GPC5: variants seen among roughly 807,000 people sequenced by gnomAD.
The protein encoded by GPC5 is glypican 5.
A neutral mutation model predicts 53.9 loss-of-function variants in GPC5; 47 were observed. That is an observed-to-expected ratio of 0.87 (90% CI 0.69 to 1.11). The LOEUF (loss-of-function observed/expected upper bound fraction) is 1.11. Among genes scored for constraint, GPC5 ranks in the 50% most tolerant of loss-of-function variants. GPC5 has a pLI of 0.00. For synonymous variants in GPC5, 286 were observed against 263.3 expected, an observed-to-expected ratio of 1.09 and a Z score of -0.84; for missense variants, 748 against 713.1, an observed-to-expected ratio of 1.05 and a Z score of -0.56.
At chr13:91,508,184 T>C (rs952036064) in intron 2 of GPC5, among the ~76,000 whole-genome samples, 1 of 152,166 alleles carries the variant, frequency 6.6e-6, no homozygotes, top group African/African-American at 2.4e-5. Flanking sequence ...AAAAAAGGAA[T>C]CATGGCTTTA....
At chr13:91,777,176 T>C (rs342696) in intron 5 of GPC5, among the ~76,000 whole-genome samples, 42,673 of 152,130 alleles carry the variant, frequency 0.28, 6,832 homozygotes, top group African/African-American at 0.41. Flanking sequence ...TTATTATTTG[T>C]CATTTTCATT....
intron 2 of GPC5, among the ~76,000 whole-genome samples, chr13:91,594,870 C>T (rs1311110262): frequency 6.6e-6 from 1 of 151,918 alleles, no homozygotes; most frequent in Non-Finnish European, 1.5e-5. Flanking sequence ...GATGGGGTCT[C>T]ACTATGTTAC....
At chr13:91,870,201 C>T (rs1000183481) in intron 5 of GPC5, among the ~76,000 whole-genome samples, 3 of 152,048 alleles carry the variant, frequency 2.0e-5, no homozygotes, top group Non-Finnish European at 2.9e-5. Flanking sequence ...GTTACTATTC[C>T]TGCCTCTCTA....
At chr13:92,524,022 G>A (rs1566274877) in intron 7 of GPC5, among the ~76,000 whole-genome samples, 1 of 152,084 alleles carries the variant, frequency 6.6e-6, no homozygotes, top group East Asian at 1.9e-4. Context: ...GTTGATAGCT[G>A]CCTACTGATC....
chr13:92,479,872 A>G (rs561202671), intron 7 of GPC5, among the ~76,000 whole-genome samples: 136 of 152,322 alleles, frequency 8.9e-4, no homozygotes, highest in Non-Finnish European at 1.7e-3. Context: ...ATGTGTGTGT[A>G]TGATAACTTG....
At chr13:91,603,089 T>C (rs1295495477) in intron 2 of GPC5, among the ~76,000 whole-genome samples, 1 of 152,202 alleles carries the variant, frequency 6.6e-6, no homozygotes, top group African/African-American at 2.4e-5. Context: ...AAAAGGATTC[T>C]GAGACTTTAT....
At chr13:92,396,244 T>G (rs1450471126) in intron 7 of GPC5, among the ~76,000 whole-genome samples, 6 of 152,178 alleles carry the variant, frequency 3.9e-5, no homozygotes, top group Non-Finnish European at 8.8e-5. Flanking sequence ...TTTCCTCATT[T>G]ACATTCAATC....
intron 6 of GPC5, among the ~76,000 whole-genome samples, chr13:91,959,626 T>TA (rs1173024222): frequency 1.3e-5 from 2 of 151,964 alleles, no homozygotes; most frequent in Non-Finnish European, 2.9e-5. Flanking sequence ...CTGATGAACA[T>TA]AGACACAAAA....
At chr13:91,899,287 G>A (rs934497035) in intron 5 of GPC5, among the ~76,000 whole-genome samples, 4 of 151,960 alleles carry the variant, frequency 2.6e-5, no homozygotes, top group African/African-American at 9.7e-5. Context: ...AAAAATATAG[G>A]AAATACTAGA....
chr13:92,412,592 T>G (rs1876095026), intron 7 of GPC5, among the ~76,000 whole-genome samples: 1 of 152,188 alleles, frequency 6.6e-6, no homozygotes, highest in Non-Finnish European at 1.5e-5. Flanking sequence ...CCATAAATTT[T>G]TATTGAAACA....
intron 2 of GPC5, among the ~76,000 whole-genome samples, chr13:91,512,866 TA>T (rs560900281): frequency 8.5e-4 from 130 of 152,346 alleles, no homozygotes; most frequent in Non-Finnish European, 1.6e-3. Context: ...ATGTGTGTTT[TA>T]ATCTATAGTT....
intron 7 of GPC5, among the ~76,000 whole-genome samples, chr13:92,472,984 T>A (rs139725562): frequency 6.6e-6 from 1 of 152,098 alleles, no homozygotes; most frequent in Non-Finnish European, 1.5e-5. Context: ...TGGTATCTAA[T>A]GAAAAAACTG....
chr13:92,123,715 G>A (rs1350071205), intron 6 of GPC5, among the ~76,000 whole-genome samples: 2 of 152,082 alleles, frequency 1.3e-5, no homozygotes, highest in African/African-American at 4.8e-5. Flanking sequence ...GAAGTGTAGT[G>A]ACAAAATTTA....
intron 7 of GPC5, chr13:92,447,857 G>A (rs913368205): frequency 1.6e-4 from 25 of 152,092 alleles, no homozygotes; most frequent in African/African-American, 5.8e-4. Flanking sequence ...GTATTCAAAT[G>A]AAGCTAATGG....
intron 2 of GPC5, among the ~76,000 whole-genome samples, chr13:91,567,885 G>A (rs1015181908): frequency 1.3e-5 from 2 of 152,124 alleles, no homozygotes; most frequent in African/African-American, 4.8e-5. Context: ...CGCATGTGGC[G>A]GAACAGACCT....
intron 4 of GPC5, among the ~76,000 whole-genome samples, chr13:91,745,501 C>A (rs1233087956): frequency 3.3e-5 from 5 of 152,076 alleles, no homozygotes. Context: ...TGCTCCCCAA[C>A]CTACCAACCC....
intron 7 of GPC5, among the ~76,000 whole-genome samples, chr13:92,657,630 A>G (rs1886186030): frequency 7.2e-6 from 1 of 139,648 alleles, no homozygotes; most frequent in Non-Finnish European, 1.5e-5. Flanking sequence ...AAGTATGGAC[A>G]GGTGTATCCT....
intron 7 of GPC5, among the ~76,000 whole-genome samples, chr13:92,191,886 A>G (rs9523530): frequency 0.49 from 74,520 of 151,992 alleles, 18,829 homozygotes; most frequent in Middle Eastern, 0.67. Flanking sequence ...GATATTTTTA[A>G]TTTACAGTAG....
intron 2 of GPC5, among the ~76,000 whole-genome samples, chr13:91,676,602 A>AT (rs199904061): frequency 7.2e-5 from 11 of 152,056 alleles, no homozygotes; most frequent in African/African-American, 7.2e-5. Context: ...AGTACCTTTT[A>AT]TTTTTCTTTT....
Sources: allele counts gnomAD v4.1 joint callset (sites outside exome capture counted in the v4.1 genomes callset), GRCh38; gene constraint gnomAD v4.1.1; transcripts MANE v1.5; gene names NCBI Gene and HGNC (gene_info 2026-07-23, HGNC 2026-07-21).